TENM2: variants seen among roughly 807,000 people sequenced by gnomAD.
TENM2 encodes teneurin transmembrane protein 2.
In TENM2, 52 loss-of-function variants were observed where a neutral mutation model predicts 245.2. The observed-to-expected ratio is 0.21, with a 90% confidence interval of 0.17 to 0.27. The LOEUF (loss-of-function observed/expected upper bound fraction) is 0.27. Ranked by LOEUF, TENM2 falls within the 10% of genes least tolerant of loss-of-function variation. The pLI is 1.00. For missense variants in TENM2, 3,046 were observed against 3,666.8 expected, an observed-to-expected ratio of 0.83 and a Z score of 4.37; for synonymous variants, 1,363 against 1,438.9, an observed-to-expected ratio of 0.95 and a Z score of 1.19.
chr5:168,115,713 T>C (rs997212846), intron 9 of TENM2, among the ~76,000 whole-genome samples: 2 of 152,176 alleles, frequency 1.3e-5, no homozygotes. Flanking sequence ...GGAAGGGGGC[T>C]GAGAAGTGAT....
chr5:166,983,175 A>C, the TENM2 span, among the ~76,000 whole-genome samples: 1 of 152,282 alleles, frequency 6.6e-6, no homozygotes, highest in Admixed American at 6.5e-5. Context: ...TCATATTTCC[A>C]AAAGATTTCA....
intron 10 of TENM2, among the ~76,000 whole-genome samples, chr5:168,120,955 AGGGG>A: frequency 1.3e-5 from 2 of 152,340 alleles, no homozygotes; most frequent in Admixed American, 1.3e-4. Context: ...AATGATGTGT[AGGGG>A]AGTGGGAAGG....
intron 2 of TENM2, among the ~76,000 whole-genome samples, chr5:167,737,001 G>A (rs1760846779): frequency 1.3e-5 from 2 of 152,178 alleles, no homozygotes; most frequent in African/African-American, 2.4e-5. Context: ...ATGAAGCAGA[G>A]TTTCTGAGAT....
intron 5 of TENM2, among the ~76,000 whole-genome samples, chr5:168,006,991 A>G (rs1042512653): frequency 1.3e-5 from 2 of 152,174 alleles, no homozygotes; most frequent in Non-Finnish European, 2.9e-5. Flanking sequence ...ACCTCTGCTC[A>G]TCAACAGGCC....
At chr5:167,978,642 G>A (rs926529294) in intron 4 of TENM2, among the ~76,000 whole-genome samples, 5 of 151,662 alleles carry the variant, frequency 3.3e-5, no homozygotes, top group African/African-American at 1.2e-4. Flanking sequence ...GGAATGGCGA[G>A]TTACTGTTTA....
chr5:168,140,807 G>A (rs1755478174), intron 12 of TENM2, among the ~76,000 whole-genome samples: 1 of 152,142 alleles, frequency 6.6e-6, no homozygotes, highest in Non-Finnish European at 1.5e-5. Flanking sequence ...TTACAACTGT[G>A]AAGTCTTTCC....
intron 2 of TENM2, among the ~76,000 whole-genome samples, chr5:167,609,503 AAAAAAAAAAC>A (rs1313406018): frequency 4.1e-5 from 6 of 145,278 alleles, no homozygotes; most frequent in East Asian, 4.1e-4. Context: ...AAAAAAAAAA[AAAAAAAAAAC>A]AAAACCTTAC....
intron 2 of TENM2, among the ~76,000 whole-genome samples, chr5:167,543,087 G>A (rs1173344046): frequency 6.6e-6 from 1 of 152,118 alleles, no homozygotes; most frequent in East Asian, 1.9e-4. Context: ...TAAAACTTTA[G>A]AGGTGGAGCC....
the TENM2 span, among the ~76,000 whole-genome samples, chr5:167,133,843 A>C: frequency 1.3e-5 from 2 of 152,084 alleles, no homozygotes; most frequent in Non-Finnish European, 2.9e-5. Flanking sequence ...AAAGGAAAAA[A>C]GAAAATCAAG....
rs1760670880 is a variant in TENM2, at chr5:167,375,147, T to C, written c.227-51T>C. 5.8e-5 allele frequency: 89 copies of C among 1,526,120 alleles called. No homozygotes were observed. The South Asian group carries it at 1.1e-3, about 18-fold the overall frequency. The allele number at this position is 1,526,120 out of a possible 1,614,324, so 94.5% of individuals were successfully genotyped here. ...TTTTTGTAAGGATAAATTTTAACTT[T>C]GTAAAGCATCTCACAAATTTTAATC... On this transcript the variant is annotated intron_variant, in intron 1 of 28. Coordinates refer to ENST00000518659, the Ensembl canonical transcript of TENM2.
chr5:168,198,879 C>G, exon 16 of TENM2: 1 of 1,613,994 alleles, frequency 6.2e-7, no homozygotes. Flanking sequence ...AATGGAGGTG[C>G]TTCCTTGACT....
chr5:167,710,404 G>A (rs1019585188), intron 2 of TENM2, among the ~76,000 whole-genome samples: 4 of 152,138 alleles, frequency 2.6e-5, no homozygotes, highest in African/African-American at 9.7e-5. Flanking sequence ...GCTGGGCAGA[G>A]GAGCCCTGGG....
the TENM2 span, among the ~76,000 whole-genome samples, chr5:167,131,964 A>G: frequency 6.6e-6 from 1 of 152,102 alleles, no homozygotes; most frequent in Admixed American, 6.5e-5. Context: ...CTAGGATTAC[A>G]GGCGTGTGCC....
chr5:167,110,861 CA>C, the TENM2 span, among the ~76,000 whole-genome samples: 1 of 152,180 alleles, frequency 6.6e-6, no homozygotes, highest in Non-Finnish European at 1.5e-5. Flanking sequence ...CTCATGCACT[CA>C]TTTTTCAGTA....
chr5:167,711,258 T>C (rs1410568994), intron 2 of TENM2, among the ~76,000 whole-genome samples: 4 of 152,212 alleles, frequency 2.6e-5, no homozygotes, highest in Non-Finnish European at 5.9e-5. Flanking sequence ...CCAGGCTAGG[T>C]GATTGACTAA....
chr5:167,651,749 A>C (rs377586012), intron 2 of TENM2, among the ~76,000 whole-genome samples: 5 of 152,232 alleles, frequency 3.3e-5, no homozygotes, highest in African/African-American at 1.2e-4. Flanking sequence ...GACCTTGGAC[A>C]AATTATCTAA....
chr5:168,197,482 C>T (rs1405871657), intron 15 of TENM2, among the ~76,000 whole-genome samples: 5 of 152,028 alleles, frequency 3.3e-5, no homozygotes, highest in East Asian at 1.9e-4. Flanking sequence ...AGGCGGATCA[C>T]GAAGTCAGGA....
intron 2 of TENM2, among the ~76,000 whole-genome samples, chr5:167,731,172 A>G (rs1462223656): frequency 6.6e-6 from 1 of 150,470 alleles, no homozygotes; most frequent in Non-Finnish European, 1.5e-5. Context: ...ATGCCAGTTG[A>G]CTAAAATGAG....
intron 4 of TENM2, among the ~76,000 whole-genome samples, chr5:167,960,703 A>G (rs773700397): frequency 6.6e-6 from 1 of 152,168 alleles, no homozygotes; most frequent in Non-Finnish European, 1.5e-5. Flanking sequence ...CAGGGGAGTG[A>G]ACGGTTCTGT....
Sources: gnomAD v4.1 joint callset for allele counts (sites outside exome capture counted in the v4.1 genomes callset) on GRCh38, gnomAD v4.1.1 for gene constraint, MANE v1.5 for transcripts, NCBI Gene and HGNC (gene_info 2026-07-23, HGNC 2026-07-21) for gene names.